STRC: variants seen among roughly 807,000 people sequenced by gnomAD.
The protein encoded by STRC is stereocilin.
In STRC, 43 loss-of-function variants were observed where a neutral mutation model predicts 103.5. The observed-to-expected ratio is 0.42, with a 90% CI of 0.33 to 0.54. The LOEUF (loss-of-function observed/expected upper bound fraction) is 0.54, where lower values mean the gene tolerates loss of function less well. STRC is among the 20% of genes least tolerant of loss of function. The pLI is 0.14. For missense variants in STRC, 499 were observed against 1,088.5 expected (o/e 0.46, Z 7.62); for synonymous variants, 186 against 442.3 (o/e 0.42, Z 7.27).
chr15:43,603,169 A>G (rs1463576609), intron 23 of STRC, 73 bp downstream of exon 23: 1 of 1,535,510 alleles, frequency 6.5e-7, no homozygotes, highest in Non-Finnish European at 9.0e-7. Flanking sequence ...CCAACTCTCC[A>G]TTCTCTTTGT....
intron 19 of STRC, 151 bp from the exon 20 acceptor site, chr15:43,604,997 A>C (rs1439816209): frequency 1.8e-5 from 24 of 1,322,210 alleles, no homozygotes; most frequent in Non-Finnish European, 1.6e-5. Context: ...TTCCTTAAGC[A>C]ATGAGCCCAG....
Position 43,604,521 on chromosome 15 carries a change from G to A in STRC, c.4128-70C>T, listed in dbSNP as rs2085697984. The A allele has an allele frequency of 3.1e-6, 5 of 1,598,148 alleles. No homozygotes were observed. In the East Asian group the frequency reaches 1.1e-4, roughly 36 times the overall value. Reference sequence around the variant, plus strand: ...GTGAGGAAAAGGAAGGGGAAAAGAGGACATGCTAGGATTTCGGACACAGGG... The same window carrying A: ...GTGAGGAAAAGGAAGGGGAAAAGAGAACATGCTAGGATTTCGGACACAGGG... On this transcript the variant is annotated intron_variant, in intron 20 of 28. Coordinates refer to ENST00000450892, the MANE Select transcript of STRC (RefSeq NM_153700.2).
rs370674238 is a variant in STRC, at chr15:43,601,387, A to G, written c.4701+9T>C. 13 of 1,612,684 alleles carry G rather than the reference A, an allele frequency of 8.1e-6. No homozygotes were observed. Among genetic ancestry groups the G allele is most frequent in the Non-Finnish European group, 2.5e-6 (3 of 1,179,790 alleles). On this transcript the variant is annotated intron_variant, in intron 24 of 28. Transcript: ENST00000450892. ...TTTGGGAAGCCGTAGGGAGGAGGAAAAGTGTTACCTGAGTGGTGCTCCAGC... is the reference window on the plus strand; with the variant it reads ...TTTGGGAAGCCGTAGGGAGGAGGAAGAGTGTTACCTGAGTGGTGCTCCAGC...
chr15:43,602,776 C>G (rs1422126906), intron 23 of STRC: 1 of 194,090 alleles, frequency 5.2e-6, no homozygotes, highest in African/African-American at 2.4e-5. Context: ...TCCCAAGTAG[C>G]TGGGACAACA....
intron 16 of STRC, 53 bp downstream of exon 16, chr15:43,609,223 A>C: frequency 6.4e-7 from 1 of 1,560,298 alleles, no homozygotes; most frequent in Non-Finnish European, 8.8e-7. Context: ...CATAGTAAGC[A>C]CTCAAAAAAA....
At chr15:43,611,044 G>C (rs2085744826) in intron 13 of STRC, 60 bp from the exon 14 acceptor site, 2 of 1,588,000 alleles carry the variant, frequency 1.3e-6, no homozygotes, top group South Asian at 1.1e-5. Flanking sequence ...GTGTGTAAGT[G>C]GGGAGGTATG....
intron 23 of STRC, among the ~76,000 whole-genome samples, chr15:43,602,004 A>T (rs1294166278): frequency 6.6e-6 from 1 of 150,730 alleles, no homozygotes; most frequent in Non-Finnish European, 1.5e-5. Flanking sequence ...AGTCCCAGCT[A>T]CTTGAGAGGC....
intron 23 of STRC, among the ~76,000 whole-genome samples, chr15:43,602,887 T>C (rs1336434100): frequency 6.6e-6 from 1 of 151,672 alleles, no homozygotes; most frequent in South Asian, 2.1e-4. Context: ...CCTCGTGATC[T>C]GCCCGCCTTG....
At chr15:43,609,524 A>T (rs2085733982) in intron 15 of STRC, 190 bp from the exon 16 acceptor site, 1 of 618,014 alleles carries the variant, frequency 1.6e-6, no homozygotes, top group African/African-American at 2.0e-5. Flanking sequence ...AAAGGGAAGG[A>T]GAAAGAAAAA....
intron 23 of STRC, among the ~76,000 whole-genome samples, chr15:43,602,112 A>T (rs1444035489): frequency 6.8e-5 from 8 of 118,180 alleles, no homozygotes; most frequent in Admixed American, 4.0e-4. Context: ...ACAGAGTGAG[A>T]CTCTGTCTCA....
At chr15:43,605,573 T>C (rs1428916942) in intron 18 of STRC, among the ~76,000 whole-genome samples, 174 bp from the exon 19 acceptor site, 2 of 147,562 alleles carry the variant, frequency 1.4e-5, no homozygotes, top group Non-Finnish European at 3.0e-5. Flanking sequence ...CAAGCTTGAG[T>C]GGGGGAGAAA....
chr15:43,602,513 G>A (rs1400063087), intron 23 of STRC: 1 of 152,140 alleles, frequency 6.6e-6, no homozygotes, highest in East Asian at 1.9e-4. Flanking sequence ...AGTCAGTGAA[G>A]CATGGTAATC....
chr15:43,607,150 G>A (rs1320606430), intron 18 of STRC, among the ~76,000 whole-genome samples: 3 of 137,700 alleles, frequency 2.2e-5, no homozygotes, highest in Non-Finnish European at 3.1e-5. Flanking sequence ...GGTGGTAGGG[G>A]TAAAATGAGA....
At chr15:43,601,333 T>C (rs2085666307) in intron 24 of STRC, 63 bp downstream of exon 24, 4 of 1,606,968 alleles carry the variant, frequency 2.5e-6, no homozygotes, top group African/African-American at 2.7e-5. Context: ...CTTTAGATGA[T>C]CTATAGGGCT....
rs766888408 is a variant in STRC, at chr15:43,600,898, G to C, written c.4818C>G (p.Leu1606=). ...YTLCGLRPEE[L]QHISSWEFSQ... ...TGAACTCCCAACTGCTGATGTGCTG[G>C]AGCTCCTCTGGCCGCAGTCCACAGA... Residue 1606 remains leucine (L), a synonymous_variant, in exon 25 of 29, where the codon CTC becomes CTG. Coordinates refer to ENST00000450892, the MANE Select transcript of STRC (RefSeq NM_153700.2). The C allele has an allele frequency of 1.2e-6, 2 of 1,612,778 alleles. No homozygotes were observed. The highest frequency in any genetic ancestry group is 2.2e-5 in the South Asian group (2 of 90,978).
At chr15:43,604,335 T>G in intron 21 of STRC, 26 bp downstream of exon 21, 5 of 1,569,842 alleles carry the variant, frequency 3.2e-6, no homozygotes, top group Non-Finnish European at 4.3e-6. Context: ...ATGCATTTAC[T>G]CCCTTCCCTT....
chr15:43,603,605 A>C (rs2085690013), intron 22 of STRC, 194 bp from the exon 23 acceptor site: 1 of 697,338 alleles, frequency 1.4e-6, no homozygotes, highest in Non-Finnish European at 2.5e-6. Flanking sequence ...AGATGCCAAG[A>C]CTTTTATAGA....
chr15:43,604,929 C>T (rs1474661300), intron 19 of STRC, 83 bp from the exon 20 acceptor site: 1 of 1,547,786 alleles, frequency 6.5e-7, no homozygotes, highest in Non-Finnish European at 8.8e-7. Flanking sequence ...AGCCCCCTAA[C>T]CTTCCCTCCC....
chr15:43,603,210 T>C, intron 23 of STRC, 32 bp downstream of exon 23: 2 of 1,610,598 alleles, frequency 1.2e-6, no homozygotes, highest in Non-Finnish European at 1.7e-6. Context: ...AGCTTCCTCA[T>C]GGCCAACCCC....
Sources: allele counts gnomAD v4.1 joint callset (sites outside exome capture counted in the v4.1 genomes callset), GRCh38; gene constraint gnomAD v4.1.1; transcripts MANE v1.5; gene names NCBI Gene and HGNC (gene_info 2026-07-23, HGNC 2026-07-21).